The following UCKL1 variants were observed in gnomAD, a reference collection of about 807,000 sequenced individuals.
UCKL1 encodes uridine-cytidine kinase-like 1.
UCKL1 carries 65 observed loss-of-function variants against 59.2 expected under a neutral mutation model. That is an observed-to-expected ratio of 1.10 (90% CI 0.90 to 1.35). The LOEUF is 1.35. UCKL1 is among the 40% of genes most tolerant of loss of function. The probability of loss-of-function intolerance (pLI) is 0.00; values close to 1 mark genes in which losing one functional copy is unlikely to be tolerated. For missense variants in UCKL1, 703 were observed against 784.3 expected (o/e 0.90, Z 1.24); for synonymous variants, 410 against 323.1 (o/e 1.27, Z -2.88).
chr20:63,946,376 TCTC>T, intron 2 of UCKL1, 74 bp downstream of exon 2: 2 of 1,524,372 alleles, frequency 1.3e-6, no homozygotes, highest in Non-Finnish European at 1.8e-6. Flanking sequence ...CCGGCTTCCT[TCTC>T]CTGCTCCACA....
intron 1 of UCKL1, among the ~76,000 whole-genome samples, chr20:63,950,117 C>T (rs1480337341): frequency 2.6e-5 from 4 of 152,220 alleles, no homozygotes; most frequent in East Asian, 3.9e-4. Flanking sequence ...TGCAGCGGAA[C>T]GGTCACAAGC....
Position 63,944,658 on chromosome 20 carries a change from T to G in UCKL1, c.731A>C (p.Glu244Ala). The G allele has an allele frequency of 2.5e-6, 4 of 1,612,828 alleles. No homozygotes were observed. Among genetic ancestry groups the G allele is most frequent in the Non-Finnish European group, 3.4e-6 (4 of 1,179,954 alleles). The change falls in exon 6 of 15, where the codon GAG becomes GCG. Residue 244 changes from glutamate (E) to alanine (A), a missense_variant. Glu to Ala is a moderately radical substitution (Grantham distance 107, BLOSUM62 -1). Transcript: ENST00000354216. ...LVRRLRRDIS[E>A]RGRDIEGVIK... ...GACACCCTCGATGTCCCGGCCGCGC[T>G]CACTGATGTCCCGGCGCAGCCGCCG...
chr20:63,956,217 C>T, intron 1 of UCKL1, 43 bp downstream of exon 1: 1 of 1,471,088 alleles, frequency 6.8e-7, no homozygotes, highest in Non-Finnish European at 9.0e-7. Context: ...ATCTGCAGCC[C>T]CTTCCCGCTC....
chr20:63,940,943 T>C lies in UCKL1; in HGVS notation c.1116+7A>G. 1 of 1,521,932 alleles carries C rather than the reference T, an allele frequency of 6.6e-7. No individual in the cohort carries two copies. The highest frequency in any genetic ancestry group is 8.8e-7 in the Non-Finnish European group (1 of 1,133,488). The allele number at this position is 1,521,932 out of a possible 1,614,324, so 94.3% of individuals were successfully genotyped here. A position where few individuals can be genotyped will look rare whatever the true frequency, so the allele number is the denominator to read the frequency against. On this transcript the variant is annotated splice_region_variant and intron_variant, in intron 10 of 14. Coordinates refer to ENST00000354216, the MANE Select transcript of UCKL1 (RefSeq NM_017859.4). Reference sequence around the variant, plus strand: ...ACCCTCCACCTCGCGGGCTACGGGCTACGAACCTGAAAGGGCAGGAAGGAG... The same window carrying C: ...ACCCTCCACCTCGCGGGCTACGGGCCACGAACCTGAAAGGGCAGGAAGGAG...
intron 1 of UCKL1, among the ~76,000 whole-genome samples, chr20:63,952,219 T>TG (rs2057751152): frequency 6.6e-6 from 1 of 152,148 alleles, no homozygotes. Context: ...TCCGGGCTCC[T>TG]GGGGGCCATG....
intron 1 of UCKL1, among the ~76,000 whole-genome samples, chr20:63,951,740 G>A (rs2057645719): frequency 6.6e-6 from 1 of 151,936 alleles, no homozygotes; most frequent in African/African-American, 2.4e-5. Context: ...GGGCTCAGCA[G>A]GGCACAGGGG....
intron 1 of UCKL1, chr20:63,948,405 G>A (rs137997964): frequency 9.0e-4 from 137 of 151,804 alleles, no homozygotes; most frequent in Non-Finnish European, 1.4e-3. Flanking sequence ...AGTTACGCCC[G>A]AAAACGACAC....
chr20:63,943,589 C>G (rs1478896235), intron 8 of UCKL1, 64 bp downstream of exon 8: 1 of 1,610,796 alleles, frequency 6.2e-7, no homozygotes, highest in East Asian at 2.2e-5. Flanking sequence ...ACAGCCCAGA[C>G]CCCAGAGCTC....
rs982745614 is a variant in UCKL1 at position 63,941,456 on chromosome 20, G to A, written c.924-248C>T. 3 of 571,680 alleles carry A rather than the reference G, an allele frequency of 5.2e-6. No homozygotes were observed. The African/African-American group carries it at 5.7e-5, about 11-fold the overall frequency. 35.4% of individuals were successfully genotyped at this position (571,680 alleles called of 1,614,324 possible). A position where few individuals can be genotyped will look rare whatever the true frequency, so the allele number is the denominator to read the frequency against. ...CTCACCATCAGGCAGAAAGCTAGCG[G>A]GGTAGGCTGTGAGGGCCCCTCCCAG... is the stretch of plus-strand genomic sequence containing the variant. On this transcript the variant is annotated intron_variant, in intron 8 of 14. Transcript: ENST00000354216.
intron 8 of UCKL1, among the ~76,000 whole-genome samples, chr20:63,942,983 T>C (rs573852782): frequency 5.4e-4 from 82 of 152,252 alleles, no homozygotes; most frequent in Middle Eastern, 6.8e-3. Flanking sequence ...GTGAGGGCTC[T>C]CCCTCCAGGT....
intron 7 of UCKL1, 106 bp downstream of exon 7, chr20:63,944,291 A>C: frequency 8.9e-7 from 1 of 1,127,520 alleles, no homozygotes; most frequent in Non-Finnish European, 1.3e-6. Flanking sequence ...GGCAGGGGAC[A>C]GTGAACGCAG....
At chr20:63,946,016 G>A (rs775478832) in intron 3 of UCKL1, 41 bp from the exon 4 acceptor site, 3 of 1,612,438 alleles carry the variant, frequency 1.9e-6, no homozygotes, top group Non-Finnish European at 2.5e-6. Flanking sequence ...GCACAGTAGG[G>A]CCCTCACCCA....
chr20:63,940,313 A>C lies in UCKL1; in HGVS notation c.1411-7T>G. ...CCTCAGGCACGTCGTGGTCCTACCG[A>C]GTGTATTGGGCAGGTAAATCCCACC... On this transcript the variant is annotated splice_region_variant and splice_polypyrimidine_tract_variant and intron_variant, in intron 13 of 14. Transcript: ENST00000354216. 6.2e-7 allele frequency: 1 copy of C among 1,612,460 alleles called. No individual in the cohort carries two copies. Among genetic ancestry groups the C allele is most frequent in the Non-Finnish European group, 8.5e-7 (1 of 1,179,894 alleles).
chr20:63,956,320 G>A lies in UCKL1; in HGVS notation c.53C>T (p.Pro18Leu). The A allele has an allele frequency of 6.4e-7, 1 of 1,555,416 alleles. No individual in the cohort carries two copies. The highest frequency in any genetic ancestry group is 1.9e-5 in the Admixed American group (1 of 52,204). ...ADADPSPTSP[P>L]TARDTPGRQA... Reference sequence around the variant, plus strand: ...CCGGCCTGGTGTGTCTCGGGCCGTAGGTGGCGACGTGGGCGAAGGATCAGC... The same window carrying A: ...CCGGCCTGGTGTGTCTCGGGCCGTAAGTGGCGACGTGGGCGAAGGATCAGC... Residue 18 changes from proline (P) to leucine (L), a missense_variant, in exon 1 of 15, where the codon CCT becomes CTT. This residue lies in a region of UCKL1 where 398 missense variants were observed against 373.0 expected (regional missense o/e 1.07). Transcript: ENST00000354216.
At chr20:63,951,050 C>A in intron 1 of UCKL1, 1 of 1,218,994 alleles carries the variant, frequency 8.2e-7, no homozygotes, top group Admixed American at 4.2e-5. Context: ...GGGTGAGACC[C>A]TTGGCTGGCA....
At chr20:63,943,572 C>T in intron 8 of UCKL1, 81 bp downstream of exon 8, 1 of 1,601,752 alleles carries the variant, frequency 6.2e-7, no homozygotes, top group Non-Finnish European at 8.5e-7. Flanking sequence ...AGCTGCCTGG[C>T]TGGATCACAG....
At chr20:63,943,262 T>C (rs2055155764) in intron 8 of UCKL1, among the ~76,000 whole-genome samples, 1 of 152,204 alleles carries the variant, frequency 6.6e-6, no homozygotes, top group Non-Finnish European at 1.5e-5. Context: ...TCCGTGAGGC[T>C]GGGCACAGGA....
Position 63,956,260 on chromosome 20 carries a change from C to T in UCKL1, c.113G>A (p.Arg38His). The T allele has an allele frequency of 1.3e-6, 2 of 1,537,082 alleles. No individual in the cohort carries two copies. Among genetic ancestry groups the T allele is most frequent in the Admixed American group, 4.1e-5 (2 of 49,262 alleles). The change falls in exon 1 of 15, where the codon CGC becomes CAC. Residue 38 changes from arginine (R) to histidine (H), a missense_variant and splice_region_variant. By Grantham distance (29) the Arg-to-His change is conservative. Coordinates refer to ENST00000354216, the MANE Select transcript of UCKL1 (RefSeq NM_017859.4). Reference sequence around the variant, plus strand: ...GAGTGGAGGCGAGGCCCACGCCTACCGGTCCTCGCACGCGGTCTCGCTTTT... The same window carrying T: ...GAGTGGAGGCGAGGCCCACGCCTACTGGTCCTCGCACGCGGTCTCGCTTTT... ...AEKSETACEDRSNAESLDRLL... is the reference protein window; with the variant it reads ...AEKSETACEDHSNAESLDRLL...
chr20:63,942,843 A>C, intron 8 of UCKL1: 1 of 408,956 alleles, frequency 2.4e-6, no homozygotes, highest in Non-Finnish European at 5.2e-6. Flanking sequence ...TGACGGGACA[A>C]GACCTGCGGG....
Sources: gnomAD v4.1 joint callset for allele counts (sites outside exome capture counted in the v4.1 genomes callset) on GRCh38, gnomAD v4.1.1 for gene constraint, gnomAD v4.1.1 regional missense constraint, MANE v1.5 for transcripts, NCBI Gene and HGNC (gene_info 2026-07-23, HGNC 2026-07-21) for gene names.